Variants in SYNE2 observed in about 807,000 individuals in gnomAD.
The protein encoded by SYNE2 is nesprin-2.
A neutral mutation model predicts 856.3 loss-of-function variants in SYNE2; 431 were observed. The observed-to-expected ratio is 0.50, with a 90% confidence interval of 0.47 to 0.55. SYNE2 has a LOEUF of 0.55. SYNE2 is among the 20% of genes least tolerant of loss of function. The probability of loss-of-function intolerance (pLI) is 0.00; values close to 1 mark genes in which losing one functional copy is unlikely to be tolerated. For missense variants in SYNE2, 8,129 were observed against 8,023.2 expected (o/e 1.01, Z -0.50); for synonymous variants, 2,923 against 2,872.3 (o/e 1.02, Z -0.56).
At chr14:63,793,760 G>GCC (rs779047513) in intron 1 of SYNE2, among the ~76,000 whole-genome samples, 7 of 128,698 alleles carry the variant, frequency 5.4e-5, no homozygotes, top group Non-Finnish European at 1.1e-4. Flanking sequence ...AACAAAATGA[G>GCC]GCCCCCCCCC....
At chr14:64,219,175 T>C in intron 109 of SYNE2, 33 bp from the exon 110 acceptor site, 1 of 1,606,228 alleles carries the variant, frequency 6.2e-7, no homozygotes, top group Non-Finnish European at 8.5e-7. Context: ...GTTGCATTAT[T>C]GCTTTTTTTA....
At chr14:64,084,969 A>G (rs2097549231) in intron 57 of SYNE2, 8 of 702,250 alleles carry the variant, frequency 1.1e-5, no homozygotes, top group East Asian at 5.4e-5. Flanking sequence ...ACTTACAGAC[A>G]CGTGGGCTCC....
At chr14:63,936,962 A>T (rs2095841356) in intron 2 of SYNE2, among the ~76,000 whole-genome samples, 1 of 152,100 alleles carries the variant, frequency 6.6e-6, no homozygotes, top group East Asian at 1.9e-4. Flanking sequence ...GAAACGTGAG[A>T]GAAAGGGAGG....
rs533900079 is a variant in SYNE2 at position 63,800,481 on chromosome 14, G to A, written c.-305+38495G>A. ...AATTTTGTATTTTAGTAGAGACTAG[G>A]TTTCACCATGTCTGCCAGGCTAGTC... On this transcript the variant is annotated intron_variant, in intron 1 of 23. Coordinates refer to the SYNE2 transcript ENST00000674003. Among the ~76,000 whole-genome samples, 7 of 152,188 alleles carry A rather than the reference G, an allele frequency of 4.6e-5. No homozygotes were observed. The East Asian group carries it at 9.6e-4, about 21-fold the overall frequency.
At chr14:63,971,029 G>T (rs1269304516) in intron 11 of SYNE2, among the ~76,000 whole-genome samples, 1 of 151,220 alleles carries the variant, frequency 6.6e-6, no homozygotes, top group Admixed American at 6.6e-5. Flanking sequence ...TATTGACTTG[G>T]CTCTACTTCT....
intron 17 of SYNE2, 99 bp downstream of exon 17, chr14:63,982,893 GCA>G (rs2096597315): frequency 8.2e-7 from 1 of 1,214,528 alleles, no homozygotes; most frequent in African/African-American, 1.5e-5. Context: ...TCTGGTATAT[GCA>G]CAGTTACGTA....
At chr14:64,025,680 G>A (rs1160244267) in intron 41 of SYNE2, among the ~76,000 whole-genome samples, 1 of 152,214 alleles carries the variant, frequency 6.6e-6, no homozygotes, top group African/African-American at 2.4e-5. Context: ...GAGTGCAGAA[G>A]AATTGAAATA....
At chr14:64,134,031 A>G in intron 77 of SYNE2, 38 bp from the exon 78 acceptor site, 2 of 1,612,472 alleles carry the variant, frequency 1.2e-6, no homozygotes, top group South Asian at 1.1e-5. Flanking sequence ...CCAATCTGGT[A>G]AAGGGCTTCC....
At chr14:64,063,040 A>C in intron 50 of SYNE2, 145 bp downstream of exon 50, 1 of 1,001,562 alleles carries the variant, frequency 1.0e-6, no homozygotes, top group Non-Finnish European at 1.5e-6. Flanking sequence ...CTCAAATCGA[A>C]AGCCAGAGAG....
intron 110 of SYNE2, 51 bp downstream of exon 110, chr14:64,219,461 G>T (rs186926717): frequency 9.6e-6 from 15 of 1,568,228 alleles, no homozygotes; most frequent in Middle Eastern, 1.7e-4. Flanking sequence ...GCATGTGAAC[G>T]CATTGCTATG....
rs139486894 is a variant in SYNE2, at chr14:63,910,293, T to C, written c.79+1066T>C. ...TTAAAGATCTGTTTTGATGCCATAT[T>C]GAGTGATTTGGCAAAATAAAATCTG... is the stretch of plus-strand genomic sequence containing the variant. On this transcript the variant is annotated intron_variant, in intron 2 of 115. Transcript: ENST00000555002. Among the ~76,000 whole-genome samples, 318 of 152,350 alleles carry C rather than the reference T, an allele frequency of 2.1e-3. 2 individuals carry two copies. The highest frequency in any genetic ancestry group is 0.021 in the East Asian group (108 of 5,190).
chr14:64,202,377 G>T, intron 99 of SYNE2: 1 of 682,328 alleles, frequency 1.5e-6, no homozygotes. Context: ...AATCTCCCAG[G>T]GTAGATCACC....
chr14:64,063,255 C>G (rs1335527253), intron 50 of SYNE2, among the ~76,000 whole-genome samples: 1 of 152,124 alleles, frequency 6.6e-6, no homozygotes, highest in Non-Finnish European at 1.5e-5. Context: ...ACAATGTTGA[C>G]CAGGCTGCTC....
In SYNE2 at chr14:64,225,955, T is replaced by TAGCTGATGGAAACAATCAA. The variant is rs2098716823; in HGVS notation, c.*430_*448dup. The TAGCTGATGGAAACAATCAA allele has an allele frequency of 3.0e-6, 1 of 337,266 alleles. No individual in the cohort carries two copies. The highest frequency in any genetic ancestry group is 5.5e-6 in the Non-Finnish European group (1 of 183,052). 20.9% of individuals were successfully genotyped at this position (337,266 alleles called of 1,614,324 possible). On this transcript the variant is annotated 3_prime_UTR_variant, in exon 116 of 116. Transcript: ENST00000555002. ...TGGTTCAGAAACTCATAGGCACCCT[T>TAGCTGATGGAAACAATCAA]AGCTGATGGAAACAATCAATCATAT...
intron 1 of SYNE2, chr14:63,808,465 G>A (rs1888473890): frequency 1.3e-5 from 2 of 152,874 alleles, no homozygotes; most frequent in East Asian, 1.9e-4. Context: ...CTCCAGCCTG[G>A]GTGACAGAGC....
chr14:63,891,578 A>G (rs780909932), intron 1 of SYNE2, among the ~76,000 whole-genome samples: 4 of 151,758 alleles, frequency 2.6e-5, no homozygotes, highest in Non-Finnish European at 4.4e-5. Context: ...CTGTTTTTAG[A>G]GCTTGCTTGC....
chr14:64,180,186 T>G (rs2098451603), intron 96 of SYNE2, among the ~76,000 whole-genome samples: 2 of 152,234 alleles, frequency 1.3e-5, no homozygotes, highest in Non-Finnish European at 2.9e-5. Flanking sequence ...TCTGTTCCAC[T>G]GGTCTGTGTA....
chr14:64,154,095 C>T (rs2098266988), intron 85 of SYNE2, among the ~76,000 whole-genome samples: 1 of 150,476 alleles, frequency 6.6e-6, no homozygotes, highest in East Asian at 1.9e-4. Context: ...CTTTGGGAGA[C>T]TGAGGTGGGA....
chr14:63,912,613 C>T (rs2095486167), intron 2 of SYNE2, among the ~76,000 whole-genome samples: 1 of 152,108 alleles, frequency 6.6e-6, no homozygotes, highest in East Asian at 1.9e-4. Context: ...AGTAGAATGG[C>T]CTAATTAACT....
Sources: allele counts gnomAD v4.1 joint callset (sites outside exome capture counted in the v4.1 genomes callset), GRCh38; gene constraint gnomAD v4.1.1; transcripts MANE v1.5; gene names NCBI Gene and HGNC (gene_info 2026-07-23, HGNC 2026-07-21).